The following PRKN variants were observed in gnomAD, a reference collection of about 807,000 sequenced individuals.
The protein encoded by PRKN is E3 ubiquitin-protein ligase parkin.
Under a neutral mutation model 59.5 loss-of-function variants are expected in PRKN, and 56 were observed. The ratio of observed to expected loss-of-function variants is 0.94; its 90% CI spans 0.76 to 1.18. PRKN has a LOEUF of 1.18. Ranked by LOEUF, PRKN falls within the 50% of genes most tolerant of loss-of-function variation. The pLI is 0.00. For synonymous variants in PRKN, 250 were observed against 222.1 expected, an observed-to-expected ratio of 1.13 and a Z score of -1.12; for missense variants, 657 against 596.4, an observed-to-expected ratio of 1.10 and a Z score of -1.06.
intron 7 of PRKN, among the ~76,000 whole-genome samples, chr6:161,574,804 G>C (rs79162198): frequency 6.6e-6 from 1 of 152,194 alleles, no homozygotes; most frequent in South Asian, 2.1e-4. Flanking sequence ...TTGTTATTCT[G>C]TCCTTTCTAA....
intron 6 of PRKN, among the ~76,000 whole-genome samples, chr6:161,820,067 T>C (rs1447051315): frequency 2.6e-5 from 4 of 152,116 alleles, no homozygotes; most frequent in Admixed American, 2.0e-4. Context: ...GCCAGTGACA[T>C]AAACGTACCT....
At chr6:162,384,702 A>G (rs573406051) in intron 2 of PRKN, among the ~76,000 whole-genome samples, 1 of 151,924 alleles carries the variant, frequency 6.6e-6, no homozygotes, top group Admixed American at 6.6e-5. Flanking sequence ...AGCATGCTAA[A>G]GGGAAGCATG....
At chr6:162,463,795 A>C (rs977490181) in intron 1 of PRKN, among the ~76,000 whole-genome samples, 2 of 152,186 alleles carry the variant, frequency 1.3e-5, no homozygotes, top group Non-Finnish European at 2.9e-5. Context: ...TCTCGAGTTC[A>C]AGATTGGCAT....
chr6:162,226,516 G>T (rs1341501392), intron 3 of PRKN, among the ~76,000 whole-genome samples: 2 of 152,140 alleles, frequency 1.3e-5, no homozygotes, highest in Non-Finnish European at 2.9e-5. Flanking sequence ...TGTGCAGGAG[G>T]AACACCAAGA....
chr6:161,601,757 T>C (rs533162292), intron 7 of PRKN, among the ~76,000 whole-genome samples: 23 of 152,198 alleles, frequency 1.5e-4, no homozygotes, highest in Non-Finnish European at 2.5e-4. Context: ...TAATTTTTTG[T>C]ATTTTTAGTA....
intron 7 of PRKN, among the ~76,000 whole-genome samples, chr6:161,692,468 C>A (rs947957873): frequency 1.3e-5 from 2 of 152,162 alleles, no homozygotes; most frequent in East Asian, 1.9e-4. Flanking sequence ...AACAAGTAGG[C>A]AGTAATTTAA....
rs1257265943 is a variant in PRKN at position 161,575,552 on chromosome 6, CAT to C, written c.872-6138_872-6137del. Among the ~76,000 whole-genome samples the C allele has an allele frequency of 1.3e-5, 2 of 152,214 alleles. No individual in the cohort carries two copies. Among genetic ancestry groups the C allele is most frequent in the Non-Finnish European group, 2.9e-5 (2 of 68,046 alleles). On this transcript the variant is annotated intron_variant, in intron 7 of 11. Transcript: ENST00000366898. This position sits in a 1 kb window ranked among gnomAD's most constrained non-coding sequence, Gnocchi z 4.6. ...TTCCATTGAGAAGCATTAAAAACCA[CAT>C]GAGTCTTCGATCACTATTTTTCCTT...
At chr6:162,581,335 G>A (rs75306008) in intron 1 of PRKN, among the ~76,000 whole-genome samples, 9,974 of 152,228 alleles carry the variant, frequency 0.066, 407 homozygotes, top group Middle Eastern at 0.12. Flanking sequence ...GGCAATTAAT[G>A]AAAAAGTGGA....
At position 161,499,035 on chromosome 6, in the gene PRKN, C is replaced by G. The variant is rs562740444; in HGVS notation, c.1083+49819G>C. ...CATTTCTCAGAACTCAGGCTGAAAC[C>G]CTGTGATCTAGTCCAAACCAACCTT... On this transcript the variant is annotated intron_variant, in intron 9 of 11. Coordinates refer to ENST00000366898, the MANE Select transcript of PRKN (RefSeq NM_004562.3). This position sits in a 1 kb window ranked among gnomAD's most constrained non-coding sequence, Gnocchi z 4.2. Among the ~76,000 whole-genome samples the G allele has an allele frequency of 9.6e-4, 146 of 152,148 alleles. No individual in the cohort carries two copies. Among genetic ancestry groups the G allele is most frequent in the African/African-American group, 3.4e-3 (141 of 41,506 alleles).
chr6:162,457,431 C>G (rs755038840), intron 1 of PRKN, among the ~76,000 whole-genome samples: 2 of 152,124 alleles, frequency 1.3e-5, no homozygotes, highest in African/African-American at 2.4e-5. Context: ...TATTTATAAT[C>G]TGACCATACT....
chr6:162,374,485 G>A (rs1052471302), intron 2 of PRKN, among the ~76,000 whole-genome samples: 4 of 151,664 alleles, frequency 2.6e-5, no homozygotes, highest in African/African-American at 7.3e-5. Context: ...CCTAGTACAT[G>A]AGTTTAGTCA....
At chr6:162,286,329 G>T (rs779708767) in intron 2 of PRKN, among the ~76,000 whole-genome samples, 1 of 152,004 alleles carries the variant, frequency 6.6e-6, no homozygotes, top group African/African-American at 2.4e-5. Flanking sequence ...CTTTATAGCC[G>T]TGAGCCTTGA....
chr6:162,340,939 A>G (rs1784150242), intron 2 of PRKN, among the ~76,000 whole-genome samples: 1 of 152,194 alleles, frequency 6.6e-6, no homozygotes, highest in Admixed American at 6.5e-5. Context: ...TAAACTAAAG[A>G]GCTTTGCTCA....
intron 2 of PRKN, among the ~76,000 whole-genome samples, chr6:162,315,454 G>T (rs1284941989): frequency 6.6e-6 from 1 of 152,160 alleles, no homozygotes; most frequent in Non-Finnish European, 1.5e-5. Flanking sequence ...AAGCAGGGTT[G>T]CCAGGGTAGG....
At chr6:161,489,677 T>C (rs553522639) in intron 9 of PRKN, among the ~76,000 whole-genome samples, 1 of 152,296 alleles carries the variant, frequency 6.6e-6, no homozygotes, top group East Asian at 1.9e-4. Context: ...AGGGATCTAA[T>C]ACATGAATTA....
At position 161,419,242 on chromosome 6, in the gene PRKN, A is replaced by G. The variant is rs943840695; in HGVS notation, c.1084-32365T>C. ...CCCCCACTTATGTGACCATTTTACA[A>G]TGAAGAAATGGATGTTTAAAGAGGA... On this transcript the variant is annotated intron_variant, in intron 9 of 11. Transcript: ENST00000366898. The surrounding 1 kb of genome is among the most constrained non-coding windows in gnomAD (Gnocchi z 4.1). Among the ~76,000 whole-genome samples the G allele has an allele frequency of 1.3e-5, 2 of 152,182 alleles. No homozygotes were observed. The highest frequency in any genetic ancestry group is 4.8e-5 in the African/African-American group (2 of 41,428).
At chr6:162,451,196 A>G (rs1422604525) in intron 1 of PRKN, among the ~76,000 whole-genome samples, 1 of 152,154 alleles carries the variant, frequency 6.6e-6, no homozygotes, top group Non-Finnish European at 1.5e-5. Context: ...AATTACGTTT[A>G]TAATGTCTGC....
At chr6:161,501,721 G>A (rs527394947) in intron 9 of PRKN, among the ~76,000 whole-genome samples, 19 of 152,218 alleles carry the variant, frequency 1.2e-4, no homozygotes, top group African/African-American at 4.6e-4. Flanking sequence ...TGGAGAAACT[G>A]GTCATTTGTT....
intron 9 of PRKN, among the ~76,000 whole-genome samples, chr6:161,521,903 C>T (rs1778839978): frequency 6.6e-6 from 1 of 152,156 alleles, no homozygotes; most frequent in South Asian, 2.1e-4. Context: ...GATACTCAAT[C>T]ATTGTTCTTG....
Sources: gnomAD v4.1 joint callset for allele counts (sites outside exome capture counted in the v4.1 genomes callset) on GRCh38, gnomAD v4.1.1 for gene constraint, Gnocchi (gnomAD v3.1) non-coding constraint, MANE v1.5 for transcripts, NCBI Gene and HGNC (gene_info 2026-07-23, HGNC 2026-07-21) for gene names.